Variants in KRI1 observed in about 807,000 individuals in gnomAD.
KRI1 encodes the protein KRI1 homolog, also known as protein KRI1 homolog.
A neutral mutation model predicts 97.0 loss-of-function variants in KRI1; 83 were observed. That is an observed-to-expected ratio of 0.86 (90% CI 0.72 to 1.03). The LOEUF (loss-of-function observed/expected upper bound fraction) is 1.03, where lower values mean the gene tolerates loss of function less well. Ranked by LOEUF, KRI1 falls within the 50% of genes least tolerant of loss-of-function variation. The probability of loss-of-function intolerance (pLI) is 0.00; values close to 1 mark genes in which losing one functional copy is unlikely to be tolerated. For synonymous variants in KRI1, 371 were observed against 363.5 expected, an observed-to-expected ratio of 1.02 and a Z score of -0.23; for missense variants, 916 against 928.4, an observed-to-expected ratio of 0.99 and a Z score of 0.17.
rs770604404 is a variant in KRI1 at position 10,557,809 on chromosome 19, G to A, written c.1446C>T (p.Phe482=). 9.3e-6 allele frequency: 15 copies of A among 1,613,340 alleles called. No individual in the cohort carries two copies. Among genetic ancestry groups the A allele is most frequent in the Admixed American group, 3.3e-5 (2 of 60,000 alleles). ...LTGKKKRKSP[F]AAAVGQEKPV... ...GCTTCTCCTGCCCCACGGCCGCGGC[G>A]AAGGGCGACTTGCGCTTCTTCTTGC... is the stretch of plus-strand genomic sequence containing the variant. Residue 482 remains phenylalanine, a synonymous_variant, in exon 15 of 19, where the codon TTC becomes TTT. Coordinates refer to ENST00000312962, the MANE Select transcript of KRI1 (RefSeq NM_023008.5).
chr19:10,558,288 G>A (rs761495126), intron 12 of KRI1, 49 bp from the exon 13 acceptor site: 16 of 1,577,136 alleles, frequency 1.0e-5, no homozygotes, highest in Non-Finnish European at 1.3e-5. Flanking sequence ...AGACATAGGA[G>A]CTGAGCCCCC....
In KRI1 at chr19:10,558,241, T is replaced by C. The variant is rs200044495; in HGVS notation, c.1195-2A>G. The C allele has an allele frequency of 1.2e-6, 2 of 1,614,066 alleles. No individual in the cohort carries two copies. The highest frequency in any genetic ancestry group is 2.2e-5 in the East Asian group (1 of 44,882). Reference sequence around the variant, plus strand: ...GTAGTACTCGTCCCCAAAGCACTTCTGCAGGGTCAGGGCTGGCGGTTACCA... The same window carrying C: ...GTAGTACTCGTCCCCAAAGCACTTCCGCAGGGTCAGGGCTGGCGGTTACCA... On this transcript the variant is annotated splice_acceptor_variant, in intron 12 of 18. Coordinates refer to ENST00000312962, the MANE Select transcript of KRI1 (RefSeq NM_023008.5). LOFTEE classifies it high-confidence loss of function.
intron 12 of KRI1, 51 bp downstream of exon 12, chr19:10,559,308 G>C (rs10402515): frequency 1.1e-5 from 17 of 1,584,622 alleles, no homozygotes; most frequent in Non-Finnish European, 1.4e-5. Flanking sequence ...GCCAGTGAGA[G>C]CCATGTTTGT....
rs961304288 is a variant in KRI1, at chr19:10,559,404, G to C, written c.1149C>G (p.Asp383Glu). ...GGGCAGGGTCGAAGTCGTCTTCAAG[G>C]TCCCCCTCCTCGAGGCCCAGCATCT... Reference protein sequence around the residue: ...GNEMLGLEEGDLEDDFDPAQH... With the variant: ...GNEMLGLEEGELEDDFDPAQH... The change falls in exon 12 of 19, where the codon GAC becomes GAG. Residue 383 changes from aspartate to glutamate, a missense_variant. Physicochemically the swap from Asp to Glu is conservative, Grantham distance 45. Transcript: ENST00000312962. 4.3e-6 allele frequency: 7 copies of C among 1,614,064 alleles called. No individual in the cohort carries two copies. Among genetic ancestry groups the C allele is most frequent in the Non-Finnish European group, 5.9e-6 (7 of 1,180,020 alleles).
intron 16 of KRI1, among the ~76,000 whole-genome samples, 170 bp downstream of exon 16, chr19:10,557,382 C>G (rs1916533485): frequency 6.6e-6 from 1 of 152,156 alleles, no homozygotes; most frequent in Non-Finnish European, 1.5e-5. Flanking sequence ...GCTGCGATTA[C>G]AGGCATGAGC....
rs755062468 is a variant in KRI1, at chr19:10,554,287, G to C, written c.1782-6C>G. 6.2e-7 allele frequency: 1 copy of C among 1,612,420 alleles called. No individual in the cohort carries two copies. The highest frequency in any genetic ancestry group is 8.5e-7 in the Non-Finnish European group (1 of 1,179,032). The stretch of plus-strand genomic sequence containing the variant: ...CTTCCGCAGGTGTCTCTGCCCTGAG[G>C]GAGAAAAGTCAGGGCTCAGCCCAGG... On this transcript the variant is annotated splice_region_variant and splice_polypyrimidine_tract_variant and intron_variant, in intron 18 of 18. Coordinates refer to ENST00000312962, the MANE Select transcript of KRI1 (RefSeq NM_023008.5).
rs1982074 is a variant in KRI1, at chr19:10,557,997, A to G, written c.1334T>C (p.Leu445Pro). 0.19 allele frequency: 301,565 copies of G among 1,613,776 alleles called. 30,239 individuals carry two copies. Among genetic ancestry groups the G allele is most frequent in the Admixed American group, 0.31 (18,818 of 59,952 alleles). Residue 445 changes from leucine to proline, a missense_variant, in exon 14 of 19, where the codon CTG (leucine) becomes CCG (proline). This residue lies in a region of KRI1 where 672 missense variants were observed against 667.2 expected (regional missense o/e 1.01). Transcript: ENST00000312962. The part of the protein sequence containing the change: ...EQEGDWSQQE[L>P]HCEDPNFNMD... ...GTTGAAGTTGGGGTCCTCACAGTGC[A>G]GCTCCTGCTGGCTCCAGTCTCCCTC...
Position 10,565,913 on chromosome 19 carries a change from C to A in KRI1, c.87G>T (p.Leu29=). 4.6e-6 allele frequency: 7 copies of A among 1,533,958 alleles called. No individual in the cohort carries two copies. The highest frequency in any genetic ancestry group is 6.1e-6 in the Non-Finnish European group (7 of 1,140,160). The change falls in exon 1 of 19, where the codon CTG becomes CTT. Residue 29 remains leucine, a synonymous_variant. Transcript: ENST00000312962. ...RYNRYREREE[L]QRLKDRYGDR... ...CATGCGCCCCGCACTCACGCCGCTG[C>A]AGTTCCTCGCGCTCCCGGTAGCGGT...
Position 10,561,274 on chromosome 19 carries a change from G to A in KRI1, c.489-9C>T, listed in dbSNP as rs202240993. 4.3e-6 allele frequency: 7 copies of A among 1,613,390 alleles called. No individual in the cohort carries two copies. Among genetic ancestry groups the A allele is most frequent in the East Asian group, 2.2e-5 (1 of 44,874 alleles). ...CCACAAATGCCCGGAAGCTGCCCAC[G>A]AGAGAAAACAAGCCTCAGGACAGGC... is the stretch of plus-strand genomic sequence containing the variant. On this transcript the variant is annotated splice_polypyrimidine_tract_variant and intron_variant, in intron 6 of 18. Coordinates refer to ENST00000312962, the MANE Select transcript of KRI1 (RefSeq NM_023008.5).
chr19:10,562,948 C>T (rs1358441914), intron 3 of KRI1, 111 bp from the exon 4 acceptor site: 1 of 701,646 alleles, frequency 1.4e-6, no homozygotes, highest in Non-Finnish European at 2.6e-6. Context: ...ATCCCAAATC[C>T]ACCAATTCCC....
chr19:10,561,136 C>T lies in KRI1; in HGVS notation c.585+33G>A, dbSNP rs778585349. On this transcript the variant is annotated intron_variant, in intron 7 of 18. Transcript: ENST00000312962. ...GATGCCCAGCCACCCGCCACCCTGT[C>T]CCCCAGCAGTCCAGTCAGGCCCCAG... The T allele has an allele frequency of 5.6e-6, 9 of 1,612,234 alleles. No homozygotes were observed. The Admixed American group carries it at 1.5e-4, about 27-fold the overall frequency.
Position 10,562,815 on chromosome 19 carries a change from C to T in KRI1, c.297G>A (p.Glu99=). 1 of 1,611,212 alleles carries T rather than the reference C, an allele frequency of 6.2e-7. No homozygotes were observed. Among genetic ancestry groups the T allele is most frequent in the Non-Finnish European group, 8.5e-7 (1 of 1,177,382 alleles). The part of the protein sequence containing the change: ...NRTASSSDSE[E]DPEALEKQKK... ...TCTGCTTCTCCAAGGCTTCTGGGTC[C>T]TCCTCACTGTCTGATGACGATGCTG... The change falls in exon 4 of 19, where the codon GAG becomes GAA. Residue 99 remains glutamate, a synonymous_variant. Coordinates refer to ENST00000312962, the MANE Select transcript of KRI1 (RefSeq NM_023008.5).
At chr19:10,563,352 G>A (rs138343386) in intron 3 of KRI1, among the ~76,000 whole-genome samples, 1 of 147,246 alleles carries the variant, frequency 6.8e-6, no homozygotes, top group South Asian at 2.2e-4. Flanking sequence ...CACCGCACCC[G>A]GCCATTATTA....
Position 10,565,747 on chromosome 19 carries a change from G to C in KRI1, c.138C>G (p.Ser46Arg), listed in dbSNP as rs3745245. ...GCTCGTCGCTTGAGTCCGACTCGGA[G>C]CTGGAGTCGCTGCTGCTGTCTCGGT... ...YGDRDSSSDSSSESDSSDERV... is the reference protein window; with the variant it reads ...YGDRDSSSDSRSESDSSDERV... Residue 46 changes from serine (S) to arginine (R), a missense_variant, in exon 2 of 19, where the codon AGC (serine) becomes AGG (arginine). Ser to Arg is a moderately radical substitution (Grantham distance 110). Around this residue, in one of 3 missense-constraint regions of KRI1, gnomAD observed 173 missense variants for 153.1 expected, o/e 1.13. Coordinates refer to ENST00000312962, the MANE Select transcript of KRI1 (RefSeq NM_023008.5). The C allele has an allele frequency of 6.3e-7, 1 of 1,580,242 alleles. No individual in the cohort carries two copies. Among genetic ancestry groups the C allele is most frequent in the Non-Finnish European group, 8.6e-7 (1 of 1,164,710 alleles).
intron 3 of KRI1, among the ~76,000 whole-genome samples, chr19:10,564,547 C>T (rs1916801898): frequency 6.6e-6 from 1 of 152,134 alleles, no homozygotes; most frequent in Non-Finnish European, 1.5e-5. Context: ...CCACCTCAGC[C>T]TCCCAAAGTG....
At chr19:10,557,737 G>T in intron 15 of KRI1, 32 bp downstream of exon 15, 1 of 1,613,842 alleles carries the variant, frequency 6.2e-7, no homozygotes, top group South Asian at 1.1e-5. Flanking sequence ...GGTGCCCCCT[G>T]CCTACCCACG....
intron 8 of KRI1, among the ~76,000 whole-genome samples, 176 bp from the exon 9 acceptor site, chr19:10,560,624 C>T (rs971522312): frequency 2.0e-5 from 3 of 152,200 alleles, no homozygotes; most frequent in African/African-American, 7.2e-5. Flanking sequence ...ACAGTACAGT[C>T]GTGTGATCAT....
At chr19:10,560,618 T>G (rs1308398986) in intron 8 of KRI1, among the ~76,000 whole-genome samples, 170 bp from the exon 9 acceptor site, 2 of 152,164 alleles carry the variant, frequency 1.3e-5, no homozygotes, top group African/African-American at 4.8e-5. Flanking sequence ...CAGGTGACAG[T>G]ACAGTCGTGT....
chr19:10,561,379 TG>T, intron 6 of KRI1, 114 bp from the exon 7 acceptor site: 1 of 1,004,466 alleles, frequency 1.0e-6, no homozygotes, highest in Non-Finnish European at 1.5e-6. Context: ...AGGCTGATCT[TG>T]AACTCCTGGG....
Sources: allele counts gnomAD v4.1 joint callset (sites outside exome capture counted in the v4.1 genomes callset), GRCh38; gene constraint gnomAD v4.1.1; regional missense constraint gnomAD v4.1.1; transcripts MANE v1.5; gene names NCBI Gene and HGNC (gene_info 2026-07-23, HGNC 2026-07-21).